MET: variants seen among roughly 807,000 people sequenced by gnomAD.
MET encodes the protein hepatocyte growth factor receptor.
MET carries 48 observed loss-of-function variants against 133.1 expected under a neutral mutation model. The observed-to-expected ratio is 0.36, with a 90% confidence interval of 0.29 to 0.46. The LOEUF is 0.46. Ranked by LOEUF, MET falls within the 20% of genes least tolerant of loss-of-function variation. The probability of loss-of-function intolerance (pLI) is 1.00; values close to 1 mark genes in which losing one functional copy is unlikely to be tolerated. For synonymous variants in MET, 628 were observed against 616.5 expected, an observed-to-expected ratio of 1.02 and a Z score of -0.28; for missense variants, 1,442 against 1,695.9, an observed-to-expected ratio of 0.85 and a Z score of 2.63.
At chr7:116,707,986 G>A (rs1304820471) in intron 2 of MET, among the ~76,000 whole-genome samples, 1 of 152,086 alleles carries the variant, frequency 6.6e-6, no homozygotes, top group African/African-American at 2.4e-5. Flanking sequence ...ACAGAGGAAA[G>A]GATTAATTCA....
chr7:116,743,033 C>A (rs1793523749), intron 5 of MET, among the ~76,000 whole-genome samples: 1 of 152,218 alleles, frequency 6.6e-6, no homozygotes, highest in Non-Finnish European at 1.5e-5. Flanking sequence ...AACAGAGGTA[C>A]ACGGCTCATC....
intron 2 of MET, among the ~76,000 whole-genome samples, chr7:116,727,008 G>A (rs1373348674): frequency 6.6e-6 from 1 of 152,200 alleles, no homozygotes; most frequent in Non-Finnish European, 1.5e-5. Flanking sequence ...AGAGAAGGTG[G>A]TGATGACTGA....
chr7:116,779,033 A>T, intron 17 of MET, 76 bp downstream of exon 17: 1 of 1,460,878 alleles, frequency 6.8e-7, no homozygotes, highest in South Asian at 1.2e-5. Context: ...GCCTGCTCTG[A>T]GTCTTTAAAA....
At chr7:116,757,867 G>A (rs2116926651) in intron 8 of MET, 93 bp downstream of exon 8, 1 of 1,390,762 alleles carries the variant, frequency 7.2e-7, no homozygotes, top group South Asian at 1.2e-5. Flanking sequence ...TGTGTGTGGA[G>A]AAGAAAAATC....
rs2116918010 is a variant in MET, at chr7:116,757,149, C to T, written c.1863-288C>T. ...TCCAACTCCTGAGTCCAGAGGATCC[C>T]TTGAGCCCAGGAGTTCAAGGCTGCA... is the stretch of plus-strand genomic sequence containing the variant. On this transcript the variant is annotated intron_variant, in intron 6 of 20. Coordinates refer to ENST00000397752, the MANE Select transcript of MET (RefSeq NM_000245.4). 1.3e-5 allele frequency among the ~76,000 whole-genome samples: 2 copies of T among 152,220 alleles called. 1 individual carries two copies. The highest frequency in any genetic ancestry group is 6.8e-3 in the Middle Eastern group (2 of 294).
At chr7:116,757,854 G>A in intron 8 of MET, 80 bp downstream of exon 8, 1 of 1,471,140 alleles carries the variant, frequency 6.8e-7, no homozygotes, top group African/African-American at 1.4e-5. Context: ...ATTGTTTTGT[G>A]TGTGTGTGTG....
intron 2 of MET, among the ~76,000 whole-genome samples, chr7:116,718,093 A>G (rs994668730): frequency 6.6e-6 from 1 of 152,196 alleles, no homozygotes; most frequent in African/African-American, 2.4e-5. Context: ...TTTTTAAAAA[A>G]TAATAAAACA....
At chr7:116,679,431 G>A (rs1239876936) in intron 1 of MET, among the ~76,000 whole-genome samples, 4 of 152,218 alleles carry the variant, frequency 2.6e-5, no homozygotes, top group African/African-American at 9.6e-5. Context: ...AAATAGGAAG[G>A]AATTTCTAGA....
chr7:116,740,929 T>C lies in MET; in HGVS notation c.1605T>C (p.Phe535=). 2 of 1,614,192 alleles carry C rather than the reference T, an allele frequency of 1.2e-6. No homozygotes were observed. The highest frequency in any genetic ancestry group is 1.7e-6 in the Non-Finnish European group (2 of 1,180,038). Residue 535 remains phenylalanine, a synonymous_variant, in exon 5 of 21, where the codon TTT becomes TTC. Coordinates refer to ENST00000397752, the MANE Select transcript of MET (RefSeq NM_000245.4). The stretch of plus-strand genomic sequence containing the variant: ...GTCAATGCCTCTCTGCCCCACCCTT[T>C]GTTCAGTGTGGCTGGTGCCACGACA... The part of the protein sequence containing the change: ...SCSQCLSAPP[F]VQCGWCHDKC...
At chr7:116,769,039 T>A (rs1794740064) in intron 11 of MET, among the ~76,000 whole-genome samples, 1 of 152,240 alleles carries the variant, frequency 6.6e-6, no homozygotes, top group Non-Finnish European at 1.5e-5. Context: ...TTAAAATGAA[T>A]TCACTTATGT....
At chr7:116,685,671 G>C (rs975362335) in intron 1 of MET, among the ~76,000 whole-genome samples, 2 of 152,024 alleles carry the variant, frequency 1.3e-5, no homozygotes, top group Non-Finnish European at 2.9e-5. Context: ...GGGCAACAGA[G>C]CAAGACTCCA....
At chr7:116,688,337 C>T (rs1196567962) in intron 1 of MET, among the ~76,000 whole-genome samples, 1 of 152,052 alleles carries the variant, frequency 6.6e-6, no homozygotes, top group African/African-American at 2.4e-5. Flanking sequence ...GGTAACACTG[C>T]TACACAGTCT....
chr7:116,741,067 G>GTTTTTTTT, intron 5 of MET, 42 bp downstream of exon 5: 1 of 1,348,788 alleles, frequency 7.4e-7, no homozygotes, highest in South Asian at 1.3e-5. Flanking sequence ...TTTGTTTGGT[G>GTTTTTTTT]TTTTTTTTTT....
intron 5 of MET, among the ~76,000 whole-genome samples, chr7:116,753,456 A>T (rs1355709450): frequency 1.3e-5 from 2 of 152,220 alleles, no homozygotes; most frequent in Non-Finnish European, 2.9e-5. Flanking sequence ...GCCTGAGAGC[A>T]ATTATCTTAC....
intron 2 of MET, among the ~76,000 whole-genome samples, chr7:116,717,704 A>C (rs1339895615): frequency 6.6e-6 from 1 of 152,218 alleles, no homozygotes; most frequent in African/African-American, 2.4e-5. Flanking sequence ...TATTTGCAAG[A>C]CTGATTTAAA....
chr7:116,679,961 A>G (rs1383331755), intron 1 of MET, among the ~76,000 whole-genome samples: 1 of 152,140 alleles, frequency 6.6e-6, no homozygotes, highest in African/African-American at 2.4e-5. Flanking sequence ...TCTTGATACC[A>G]TATTGTGAAT....
chr7:116,777,542 C>T (rs186475635), intron 16 of MET, 73 bp downstream of exon 16: 22 of 1,370,838 alleles, frequency 1.6e-5, no homozygotes, highest in East Asian at 4.6e-5. Context: ...TATAATAAAA[C>T]GTTGATTTAC....
intron 17 of MET, among the ~76,000 whole-genome samples, chr7:116,781,095 C>A (rs758242168): frequency 2.6e-5 from 4 of 152,202 alleles, no homozygotes; most frequent in Non-Finnish European, 5.9e-5. Context: ...GCCCTAATCA[C>A]CCCAGGGCCC....
intron 1 of MET, among the ~76,000 whole-genome samples, chr7:116,696,054 A>T (rs556125651): frequency 6.6e-6 from 1 of 152,148 alleles, no homozygotes; most frequent in South Asian, 2.1e-4. Flanking sequence ...TTTGTAGTAG[A>T]GATGGGGGTT....
Sources: gnomAD v4.1 joint callset for allele counts (sites outside exome capture counted in the v4.1 genomes callset) on GRCh38, gnomAD v4.1.1 for gene constraint, MANE v1.5 for transcripts, NCBI Gene and HGNC (gene_info 2026-07-23, HGNC 2026-07-21) for gene names.